KALRN: variants seen among roughly 807,000 people sequenced by gnomAD.
KALRN encodes kalirin.
A neutral mutation model predicts 353.7 loss-of-function variants in KALRN; 70 were observed. The ratio of observed to expected loss-of-function variants is 0.20; its 90% confidence interval spans 0.16 to 0.24. KALRN has a LOEUF of 0.24. Among genes scored for constraint, KALRN ranks in the 10% least tolerant of loss-of-function variants. The pLI is 1.00. For missense variants in KALRN, 2,791 were observed against 3,756.7 expected (o/e 0.74, Z 6.72); for synonymous variants, 1,391 against 1,434.8 (o/e 0.97, Z 0.69).
chr3:124,536,482 G>A (rs564486642), intron 33 of KALRN, among the ~76,000 whole-genome samples: 124 of 152,292 alleles, frequency 8.1e-4, no homozygotes, highest in African/African-American at 2.7e-3. Flanking sequence ...GATTATAGGC[G>A]TGAGCCACCA....
intron 51 of KALRN, among the ~76,000 whole-genome samples, chr3:124,686,839 G>A (rs1182550091): frequency 1.9e-5 from 2 of 105,612 alleles, no homozygotes; most frequent in Non-Finnish European, 3.5e-5. Flanking sequence ...TTTTGAGACA[G>A]GGTCTTTCTC....
chr3:124,306,165 C>G (rs1473656225), intron 6 of KALRN, among the ~76,000 whole-genome samples: 1 of 152,142 alleles, frequency 6.6e-6, no homozygotes, highest in Non-Finnish European at 1.5e-5. Context: ...GCCTTAACCT[C>G]CTAGGCTCAA....
At chr3:124,347,710 C>T (rs985887611) in intron 10 of KALRN, among the ~76,000 whole-genome samples, 6 of 152,152 alleles carry the variant, frequency 3.9e-5, no homozygotes, top group African/African-American at 1.4e-4. Flanking sequence ...AGCTAAAAAT[C>T]AGTCCCAGCT....
At chr3:124,119,127 T>A (rs1279809856) in intron 1 of KALRN, among the ~76,000 whole-genome samples, 2 of 152,124 alleles carry the variant, frequency 1.3e-5, no homozygotes, top group African/African-American at 2.4e-5. Flanking sequence ...TTTACGAATG[T>A]GTGTAGATTT....
At chr3:124,643,960 T>C (rs932629854) in intron 37 of KALRN, among the ~76,000 whole-genome samples, 1 of 152,230 alleles carries the variant, frequency 6.6e-6, no homozygotes, top group Non-Finnish European at 1.5e-5. Flanking sequence ...AAATAAAATT[T>C]TGGTGGAAGT....
intron 33 of KALRN, among the ~76,000 whole-genome samples, chr3:124,560,550 T>C (rs1021922628): frequency 1.3e-5 from 2 of 152,238 alleles, no homozygotes; most frequent in Admixed American, 6.5e-5. Flanking sequence ...TATTCACATG[T>C]AGTGTTCCCT....
intron 33 of KALRN, chr3:124,562,603 GATTGAA>G: frequency 3.7e-4 from 118 of 315,076 alleles, no homozygotes; most frequent in South Asian, 7.5e-4. Context: ...AAGCCTGAGT[GATTGAA>G]TAGCACTGTG....
At chr3:124,127,919 AT>A (rs1376682587) in intron 1 of KALRN, among the ~76,000 whole-genome samples, 1 of 151,426 alleles carries the variant, frequency 6.6e-6, no homozygotes, top group Non-Finnish European at 1.5e-5. Context: ...ATGTCTCCTT[AT>A]TTTTTTTCTT....
chr3:124,544,370 A>G (rs1032466047), intron 33 of KALRN, among the ~76,000 whole-genome samples: 2 of 152,132 alleles, frequency 1.3e-5, no homozygotes, highest in Non-Finnish European at 2.9e-5. Context: ...AGACCAGCCT[A>G]GCCAACATGG....
Position 124,349,089 on chromosome 3 carries a change from G to A in KALRN, c.1770+1824G>A, listed in dbSNP as rs553501212. 4.6e-5 allele frequency among the ~76,000 whole-genome samples: 7 copies of A among 152,250 alleles called. No individual in the cohort carries two copies. The East Asian group carries it at 9.6e-4, about 21-fold the overall frequency. ...GGAAGCAACTCCAATGTCCATTGAC[G>A]GATGCATGGATAAACAAAATGTGTT... On this transcript the variant is annotated intron_variant, in intron 10 of 59. Transcript: ENST00000682506.
intron 33 of KALRN, among the ~76,000 whole-genome samples, chr3:124,554,274 T>C (rs2070930400): frequency 6.6e-6 from 1 of 152,214 alleles, no homozygotes; most frequent in African/African-American, 2.4e-5. Context: ...GAGAATCACT[T>C]GACCTGGGAG....
At chr3:124,490,577 C>T in intron 29 of KALRN, 117 bp from the exon 30 acceptor site, 1 of 866,756 alleles carries the variant, frequency 1.2e-6, no homozygotes, top group Non-Finnish European at 1.8e-6. Context: ...AGAAAAAAAC[C>T]CTTCAGTAAC....
At chr3:124,237,366 CT>C (rs551869197) in intron 3 of KALRN, among the ~76,000 whole-genome samples, 274 of 135,408 alleles carry the variant, frequency 2.0e-3, no homozygotes, top group Non-Finnish European at 1.8e-3. Flanking sequence ...TCATTTGATG[CT>C]TTTTTTTTTT....
chr3:124,155,716 A>G (rs947248540), intron 1 of KALRN, among the ~76,000 whole-genome samples: 1 of 152,212 alleles, frequency 6.6e-6, no homozygotes, highest in Non-Finnish European at 1.5e-5. Context: ...GTTTTTCACA[A>G]GATTCAACTG....
intron 34 of KALRN, chr3:124,584,569 G>C (rs533059653): frequency 5.9e-4 from 767 of 1,307,466 alleles, no homozygotes; most frequent in Non-Finnish European, 7.3e-4. Flanking sequence ...GCCGCTGCTG[G>C]CCAGGTCTCC....
At chr3:124,369,376 A>T (rs932289280) in intron 10 of KALRN, among the ~76,000 whole-genome samples, 4 of 152,180 alleles carry the variant, frequency 2.6e-5, no homozygotes, top group African/African-American at 9.7e-5. Flanking sequence ...TAAAGAGCTA[A>T]TTATTCCTCC....
At chr3:124,698,664 A>G (rs140932940) in intron 55 of KALRN, among the ~76,000 whole-genome samples, 2 of 152,352 alleles carry the variant, frequency 1.3e-5, no homozygotes, top group African/African-American at 2.4e-5. Context: ...CCAGATGTCT[A>G]CTTGGATAAT....
At chr3:124,351,346 C>T (rs1334502395) in intron 10 of KALRN, among the ~76,000 whole-genome samples, 2 of 152,124 alleles carry the variant, frequency 1.3e-5, no homozygotes, top group Non-Finnish European at 2.9e-5. Flanking sequence ...CCTGGGGTAA[C>T]TTATAAGCAA....
intron 34 of KALRN, among the ~76,000 whole-genome samples, chr3:124,574,656 C>A (rs781613816): frequency 6.6e-5 from 10 of 152,288 alleles, no homozygotes; most frequent in Non-Finnish European, 1.3e-4. Context: ...CAGAATGTTC[C>A]CCCAGAGGAA....
Sources: allele counts gnomAD v4.1 joint callset (sites outside exome capture counted in the v4.1 genomes callset), GRCh38; gene constraint gnomAD v4.1.1; transcripts MANE v1.5; gene names NCBI Gene and HGNC (gene_info 2026-07-23, HGNC 2026-07-21).